The following BICC1 variants were observed in gnomAD, a reference collection of about 807,000 sequenced individuals.
BICC1 encodes the protein protein bicaudal C homolog 1.
A neutral mutation model predicts 111.0 loss-of-function variants in BICC1; 43 were observed. The observed-to-expected ratio is 0.39, with a 90% confidence interval of 0.30 to 0.50. The LOEUF (loss-of-function observed/expected upper bound fraction) is 0.50. BICC1 is among the 20% of genes least tolerant of loss of function. The pLI, the probability that BICC1 is intolerant of heterozygous loss-of-function variation, is 0.88. For missense variants in BICC1, 1,091 were observed against 1,203.2 expected (o/e 0.91, Z 1.38); for synonymous variants, 467 against 434.4 (o/e 1.07, Z -0.93).
chr10:58,787,563 A>G lies in BICC1; in HGVS notation c.546+482A>G, dbSNP rs73296738. Among the ~76,000 whole-genome samples the G allele has an allele frequency of 3.4e-3, 514 of 152,292 alleles. 1 individual carries two copies. The highest frequency in any genetic ancestry group is 0.012 in the African/African-American group (492 of 41,574). Reference sequence around the variant, plus strand: ...GTGCTTGTTCTTCTGTTTGGCAGCAAATGGAACTCACCTGTCCTCATGCAA... The same window carrying G: ...GTGCTTGTTCTTCTGTTTGGCAGCAGATGGAACTCACCTGTCCTCATGCAA... On this transcript the variant is annotated intron_variant, in intron 5 of 20. Coordinates refer to ENST00000373886, the MANE Select transcript of BICC1 (RefSeq NM_001080512.3).
intron 2 of BICC1, among the ~76,000 whole-genome samples, chr10:58,634,085 C>T (rs1037899722): frequency 6.6e-6 from 1 of 151,366 alleles, no homozygotes; most frequent in Non-Finnish European, 1.5e-5. Flanking sequence ...ACCTCCACCT[C>T]CCAGGTTCAA....
intron 1 of BICC1, among the ~76,000 whole-genome samples, chr10:58,598,675 A>G (rs1263234536): frequency 6.6e-6 from 1 of 152,226 alleles, no homozygotes; most frequent in Non-Finnish European, 1.5e-5. Context: ...ATTAAATTAA[A>G]GAGCTTCTGC....
chr10:58,650,135 A>C (rs1838400984), intron 2 of BICC1: 1 of 152,176 alleles, frequency 6.6e-6, no homozygotes. Flanking sequence ...GATGATCTGC[A>C]GCCCTGAAGA....
chr10:58,771,831 G>A (rs1842629457), intron 3 of BICC1, among the ~76,000 whole-genome samples: 1 of 152,164 alleles, frequency 6.6e-6, no homozygotes, highest in African/African-American at 2.4e-5. Context: ...CTGTGTAATT[G>A]GGAAATCATT....
chr10:58,713,099 G>C (rs759900884), intron 3 of BICC1, among the ~76,000 whole-genome samples: 25 of 152,132 alleles, frequency 1.6e-4, no homozygotes, highest in Non-Finnish European at 3.7e-4. Flanking sequence ...ACAATCAGAA[G>C]TTTTATAAAA....
At position 58,807,149 on chromosome 10, in the gene BICC1, C is replaced by G; in HGVS notation, c.2367C>G (p.Thr789=). 23 of 1,613,454 alleles carry G rather than the reference C, an allele frequency of 1.4e-5. No individual in the cohort carries two copies. The highest frequency in any genetic ancestry group is 1.9e-5 in the Non-Finnish European group (23 of 1,179,712). Reference sequence around the variant, plus strand: ...TGTCCTATAAGCCCACAATGACAACCACTTATGAGGTTTGTAGAGTCATGT... The same window carrying G: ...TGTCCTATAAGCCCACAATGACAACGACTTATGAGGTTTGTAGAGTCATGT... ...NHVSYKPTMT[T]TYEGSSMSLS... The change falls in exon 17 of 21, where the codon ACC becomes ACG. Residue 789 remains threonine, a synonymous_variant. Transcript: ENST00000373886.
chr10:58,553,701 G>GT (rs962987118), intron 1 of BICC1, among the ~76,000 whole-genome samples: 25 of 151,128 alleles, frequency 1.7e-4, no homozygotes, highest in African/African-American at 2.2e-4. Flanking sequence ...ATAAAGACAA[G>GT]TTTTTTTTTC....
chr10:58,769,522 T>C (rs1033658537), intron 3 of BICC1, among the ~76,000 whole-genome samples: 3 of 150,794 alleles, frequency 2.0e-5, no homozygotes, highest in Admixed American at 6.6e-5. Flanking sequence ...TCCTTTCATG[T>C]CCACATTTCA....
At chr10:58,760,070 C>T (rs914852584) in intron 3 of BICC1, among the ~76,000 whole-genome samples, 4 of 151,830 alleles carry the variant, frequency 2.6e-5, no homozygotes, top group Non-Finnish European at 1.5e-5. Context: ...TTTTCATAAG[C>T]GCGTTTTAAG....
intron 1 of BICC1, among the ~76,000 whole-genome samples, chr10:58,528,999 C>G (rs904664706): frequency 6.6e-6 from 1 of 151,924 alleles, no homozygotes; most frequent in Non-Finnish European, 1.5e-5. Context: ...GAGCTAACCA[C>G]AAGCTTTGTT....
At chr10:58,674,067 C>T (rs935009948) in intron 2 of BICC1, among the ~76,000 whole-genome samples, 1 of 152,136 alleles carries the variant, frequency 6.6e-6, no homozygotes, top group African/African-American at 2.4e-5. Flanking sequence ...ATTTAGCTAC[C>T]AACATTTTAG....
At chr10:58,570,484 C>T (rs1292169299) in intron 1 of BICC1, among the ~76,000 whole-genome samples, 1 of 152,148 alleles carries the variant, frequency 6.6e-6, no homozygotes, top group African/African-American at 2.4e-5. Context: ...GTGGCAGGAG[C>T]AGCCAAGATG....
chr10:58,814,148 G>GC (rs1844010293), intron 18 of BICC1, 162 bp downstream of exon 18: 1 of 810,312 alleles, frequency 1.2e-6, no homozygotes, highest in African/African-American at 1.7e-5. Flanking sequence ...AGTGAAGCAG[G>GC]CCACCTGGTT....
chr10:58,707,177 G>A (rs1840409600), intron 3 of BICC1, among the ~76,000 whole-genome samples: 2 of 152,140 alleles, frequency 1.3e-5, no homozygotes, highest in Admixed American at 6.5e-5. Flanking sequence ...ATTGTTTTTG[G>A]TTACATTTTA....
At chr10:58,521,576 ATCTGCTCCTTAT>A (rs1471438870) in intron 1 of BICC1, among the ~76,000 whole-genome samples, 1 of 152,044 alleles carries the variant, frequency 6.6e-6, no homozygotes, top group East Asian at 1.9e-4. Flanking sequence ...CTGCAGGGTA[ATCTGCTCCTTAT>A]ACCTGCGGTT....
In BICC1 at chr10:58,640,662, T is replaced by G. The variant is rs183613134; in HGVS notation, c.237+19761T>G. Among the ~76,000 whole-genome samples, 4 of 152,290 alleles carry G rather than the reference T, an allele frequency of 2.6e-5. No homozygotes were observed. In the East Asian group the frequency reaches 7.7e-4, roughly 29 times the overall value. Reference sequence around the variant, plus strand: ...CCACTAGTGTGTGGCAGGTACTGAGTTGGGCCTTTGGAATACAGTGGTGAG... The same window carrying G: ...CCACTAGTGTGTGGCAGGTACTGAGGTGGGCCTTTGGAATACAGTGGTGAG... On this transcript the variant is annotated intron_variant, in intron 2 of 20. Coordinates refer to ENST00000373886, the MANE Select transcript of BICC1 (RefSeq NM_001080512.3).
At chr10:58,639,314 T>C (rs1176440793) in intron 2 of BICC1, among the ~76,000 whole-genome samples, 1 of 152,156 alleles carries the variant, frequency 6.6e-6, no homozygotes, top group Non-Finnish European at 1.5e-5. Context: ...AGCACTTTTA[T>C]ATTTGCCAAA....
chr10:58,633,977 C>CTTTTTTTTTTTCTTTT (rs1837873695), intron 2 of BICC1, among the ~76,000 whole-genome samples: 1 of 138,170 alleles, frequency 7.2e-6, no homozygotes, highest in Non-Finnish European at 1.5e-5. Flanking sequence ...TTTTCTTTTT[C>CTTTTTTTTTTTCTTTT]TTTTTTTTTT....
rs549174448 is a variant in BICC1 at position 58,779,587 on chromosome 10, T to C, written c.308-5414T>C. On this transcript the variant is annotated intron_variant, in intron 3 of 20. Coordinates refer to ENST00000373886, the MANE Select transcript of BICC1 (RefSeq NM_001080512.3). ...TTTATACCAAAGAAATTTGCATTTA[T>C]ACAGAAATACAGCAGTGATCTAACT... Among the ~76,000 whole-genome samples, 165 of 152,332 alleles carry C rather than the reference T, an allele frequency of 1.1e-3. 1 individual carries two copies. Among genetic ancestry groups the C allele is most frequent in the African/African-American group, 3.7e-3 (155 of 41,590 alleles).
Sources: allele counts gnomAD v4.1 joint callset (sites outside exome capture counted in the v4.1 genomes callset), GRCh38; gene constraint gnomAD v4.1.1; transcripts MANE v1.5; gene names NCBI Gene and HGNC (gene_info 2026-07-23, HGNC 2026-07-21).